ALLC: variants seen among roughly 807,000 people sequenced by gnomAD.
The protein encoded by ALLC is allantoicase, also known as probable inactive allantoicase.
In ALLC, 40 loss-of-function variants were observed where a neutral mutation model predicts 45.0. That is an observed-to-expected ratio of 0.89 (90% CI 0.69 to 1.16). The LOEUF (loss-of-function observed/expected upper bound fraction) is 1.16, where lower values mean the gene tolerates loss of function less well. Ranked by LOEUF, ALLC falls within the 50% of genes most tolerant of loss-of-function variation. ALLC has a pLI of 0.00. For synonymous variants in ALLC, 176 were observed against 178.1 expected (o/e 0.99, Z 0.09); for missense variants, 488 against 493.1 (o/e 0.99, Z 0.10).
intron 1 of ALLC, among the ~76,000 whole-genome samples, chr2:3,658,778 G>T (rs1285744174): frequency 1.3e-5 from 2 of 150,076 alleles, no homozygotes; most frequent in Admixed American, 1.3e-4. Flanking sequence ...TGACATGGGA[G>T]AATTGCTTGA....
intron 1 of ALLC, among the ~76,000 whole-genome samples, chr2:3,668,679 G>A (rs1666790116): frequency 1.4e-5 from 2 of 140,470 alleles, no homozygotes; most frequent in Non-Finnish European, 3.0e-5. Flanking sequence ...GGGTTCAAGT[G>A]ATTCTCCTGC....
the ALLC span, among the ~76,000 whole-genome samples, chr2:3,649,390 C>T: frequency 2.6e-5 from 4 of 152,072 alleles, no homozygotes; most frequent in Admixed American, 6.5e-5. Context: ...TACAGGCGCC[C>T]GCCACCACGT....
intron 1 of ALLC, among the ~76,000 whole-genome samples, chr2:3,666,722 A>G (rs1666735903): frequency 6.6e-6 from 1 of 152,218 alleles, no homozygotes; most frequent in Non-Finnish European, 1.5e-5. Flanking sequence ...AATTCCAGCC[A>G]GTCGGTAGGT....
intron 1 of ALLC, among the ~76,000 whole-genome samples, chr2:3,666,342 G>A (rs1002868719): frequency 1.4e-4 from 21 of 152,226 alleles, no homozygotes; most frequent in African/African-American, 3.1e-4. Context: ...GTGACTTAGC[G>A]TATCACACAG....
At chr2:3,690,138 C>A (rs1667435822) in intron 7 of ALLC, among the ~76,000 whole-genome samples, 1 of 148,006 alleles carries the variant, frequency 6.8e-6, no homozygotes, top group Admixed American at 6.7e-5. Context: ...GTTTCTTAGT[C>A]CATTAAGCAA....
rs1004938804 is a variant in ALLC, at chr2:3,683,431, C to G, written c.511+357C>G. Among the ~76,000 whole-genome samples, 14 of 152,152 alleles carry G rather than the reference C, an allele frequency of 9.2e-5. 1 individual carries two copies. The East Asian group carries it at 9.6e-4, about 10-fold the overall frequency. ...TGTGATATAATTAACATGCAGTTCA[C>G]CCATTTGAAGTGTACAATCAATGAT... On this transcript the variant is annotated intron_variant, in intron 7 of 11. Coordinates refer to ENST00000252505, the MANE Select transcript of ALLC (RefSeq NM_018436.4).
chr2:3,671,723 C>G (rs1030627806), intron 2 of ALLC, among the ~76,000 whole-genome samples: 12 of 149,584 alleles, frequency 8.0e-5, no homozygotes, highest in Non-Finnish European at 1.2e-4. Context: ...TCCTCTGGCT[C>G]TGGTTAGATG....
Position 3,683,057 on chromosome 2 carries a change from G to C in ALLC, c.494G>C (p.Arg165Thr), listed in dbSNP as rs1667240433. 2.5e-6 allele frequency: 4 copies of C among 1,613,428 alleles called. No individual in the cohort carries two copies. The highest frequency in any genetic ancestry group is 3.4e-6 in the Non-Finnish European group (4 of 1,179,788). ...VNSQQRWTHIRLNIFPDGGIA... is the reference protein window; with the variant it reads ...VNSQQRWTHITLNIFPDGGIA... ...TCCCAGCAGAGATGGACTCATATCA[G>C]ACTCAACATTTTCCCAGGTAATCGT... is the stretch of plus-strand genomic sequence containing the variant. The change falls in exon 7 of 12, where the codon AGA (arginine) becomes ACA (threonine). Residue 165 changes from arginine (R) to threonine (T), a missense_variant. Physicochemically the swap from Arg to Thr is moderately conservative, Grantham distance 71 (BLOSUM62 -1). Transcript: ENST00000252505.
intron 1 of ALLC, among the ~76,000 whole-genome samples, 196 bp from the exon 2 acceptor site, chr2:3,670,900 C>T (rs1249904417): frequency 1.6e-5 from 2 of 124,364 alleles, no homozygotes; most frequent in Non-Finnish European, 3.5e-5. Context: ...TTCCCCGTTT[C>T]AGCGTGTTTA....
chr2:3,692,368 A>G (rs967564819), intron 7 of ALLC, among the ~76,000 whole-genome samples: 11 of 152,230 alleles, frequency 7.2e-5, no homozygotes, highest in Non-Finnish European at 5.9e-5. Context: ...CTGATGAGCC[A>G]AAAAAATTTT....
upstream of ALLC, among the ~76,000 whole-genome samples, chr2:3,654,573 T>C (rs1014280396): frequency 6.6e-6 from 1 of 152,198 alleles, no homozygotes; most frequent in African/African-American, 2.4e-5. Context: ...ATTCAGGTTA[T>C]CATCTGATGG....
At chr2:3,692,261 A>C (rs1482497247) in intron 7 of ALLC, among the ~76,000 whole-genome samples, 1 of 152,160 alleles carries the variant, frequency 6.6e-6, no homozygotes, top group Non-Finnish European at 1.5e-5. Flanking sequence ...ATTTGCTTAG[A>C]TGTAGGGAGT....
intron 11 of ALLC, 134 bp downstream of exon 11, chr2:3,701,770 A>G (rs1667846258): frequency 9.1e-7 from 1 of 1,094,880 alleles, no homozygotes; most frequent in Non-Finnish European, 1.2e-6. Context: ...TAAAACCCCT[A>G]TCTGCAAACT....
the ALLC span, among the ~76,000 whole-genome samples, chr2:3,651,323 G>GGT: frequency 1.4e-4 from 1 of 7,384 alleles, no homozygotes; most frequent in African/African-American, 8.6e-4. Flanking sequence ...TGGGGGGGGT[G>GGT]TGTGTGTGTG....
At chr2:3,651,310 G>GGT in the ALLC span, among the ~76,000 whole-genome samples, 21 of 13,876 alleles carry the variant, frequency 1.5e-3, 4 homozygotes, top group African/African-American at 2.8e-3. Context: ...GTGGGTGGGT[G>GGT]GGTGGGGGGG....
At chr2:3,695,636 A>G (rs1667644144) in intron 7 of ALLC, 81 bp from the exon 8 acceptor site, 1 of 1,525,428 alleles carries the variant, frequency 6.6e-7, no homozygotes, top group African/African-American at 1.4e-5. Context: ...ATGACACTGG[A>G]GAAGACAGGA....
the ALLC span, among the ~76,000 whole-genome samples, chr2:3,649,738 C>T: frequency 1.3e-5 from 2 of 152,252 alleles, no homozygotes; most frequent in Non-Finnish European, 2.9e-5. Flanking sequence ...GGGCAACACA[C>T]CCGCACTCAC....
chr2:3,684,935 C>A (rs1301641165), intron 7 of ALLC, among the ~76,000 whole-genome samples: 2 of 152,026 alleles, frequency 1.3e-5, no homozygotes. Flanking sequence ...GTATATATAC[C>A]ACTTTTAAAA....
chr2:3,700,884 G>C (rs534714790), intron 10 of ALLC, among the ~76,000 whole-genome samples: 1 of 152,156 alleles, frequency 6.6e-6, no homozygotes, highest in African/African-American at 2.4e-5. Context: ...TGATCCTAAA[G>C]AGCTCCAGTA....
Sources: allele counts gnomAD v4.1 joint callset (sites outside exome capture counted in the v4.1 genomes callset), GRCh38; gene constraint gnomAD v4.1.1; transcripts MANE v1.5; gene names NCBI Gene and HGNC (gene_info 2026-07-23, HGNC 2026-07-21).